Variants in CFTR observed in about 807,000 individuals in gnomAD.
CFTR encodes the protein cystic fibrosis transmembrane conductance regulator.
A neutral mutation model predicts 171.6 loss-of-function variants in CFTR; 181 were observed. The observed-to-expected ratio is 1.05, with a 90% CI of 0.93 to 1.19. The LOEUF (loss-of-function observed/expected upper bound fraction) is 1.19. CFTR is among the 50% of genes most tolerant of loss of function. CFTR has a pLI of 0.00. For synonymous variants in CFTR, 583 were observed against 608.0 expected (o/e 0.96, Z 0.60); for missense variants, 1,968 against 1,734.7 (o/e 1.13, Z -2.39).
intron 2 of CFTR, among the ~76,000 whole-genome samples, 153 bp downstream of exon 2, chr7:117,504,516 G>A (rs1383111621): frequency 1.3e-5 from 2 of 152,092 alleles, no homozygotes; most frequent in Non-Finnish European, 2.9e-5. Flanking sequence ...CTATTTGGGA[G>A]GCCAAGATGA....
intron 23 of CFTR, among the ~76,000 whole-genome samples, chr7:117,645,040 T>G (rs1164282050): frequency 6.6e-6 from 1 of 152,178 alleles, no homozygotes; most frequent in Non-Finnish European, 1.5e-5. Flanking sequence ...AGGAAATGAT[T>G]AGGCCTATTC....
At chr7:117,555,697 C>T (rs1200128045) in intron 10 of CFTR, among the ~76,000 whole-genome samples, 1 of 152,118 alleles carries the variant, frequency 6.6e-6, no homozygotes, top group Non-Finnish European at 1.5e-5. Flanking sequence ...GCTACAGTTG[C>T]CTGCAATTTC....
intron 1 of CFTR, among the ~76,000 whole-genome samples, chr7:117,501,182 C>A (rs1292564291): frequency 1.3e-5 from 2 of 152,072 alleles, no homozygotes; most frequent in Admixed American, 6.6e-5. Context: ...ATTGAAAATG[C>A]AGAATTTATT....
chr7:117,538,107 T>C (rs4148702), intron 7 of CFTR, among the ~76,000 whole-genome samples: 2 of 152,350 alleles, frequency 1.3e-5, no homozygotes, highest in East Asian at 3.9e-4. Context: ...TTGTAACCTG[T>C]ATAATCTGGC....
chr7:117,559,982 T>C lies in CFTR; in HGVS notation c.1584+327T>C, dbSNP rs569172619. Reference sequence around the variant, plus strand: ...ATTTATATGGCATGCATATAAGTGATATGTGGTATCTTTTTAAAAGATACC... The same window carrying C: ...ATTTATATGGCATGCATATAAGTGACATGTGGTATCTTTTTAAAAGATACC... On this transcript the variant is annotated intron_variant, in intron 11 of 26. Transcript: ENST00000003084. Among the ~76,000 whole-genome samples the C allele has an allele frequency of 2.6e-5, 4 of 152,262 alleles. No homozygotes were observed. In the East Asian group the frequency reaches 5.8e-4, roughly 22 times the overall value.
chr7:117,524,311 A>G (rs1798736405), intron 3 of CFTR, among the ~76,000 whole-genome samples: 1 of 152,020 alleles, frequency 6.6e-6, no homozygotes, highest in African/African-American at 2.4e-5. Context: ...GATACTTCTA[A>G]CATAGATAGC....
At chr7:117,492,688 T>C (rs1757261838) in intron 1 of CFTR, among the ~76,000 whole-genome samples, 1 of 152,026 alleles carries the variant, frequency 6.6e-6, no homozygotes, top group Admixed American at 6.6e-5. Context: ...TGTTTCTTCT[T>C]GTGGACCTTA....
chr7:117,558,783 C>G (rs1284487642), intron 10 of CFTR, among the ~76,000 whole-genome samples: 1 of 152,114 alleles, frequency 6.6e-6, no homozygotes, highest in Non-Finnish European at 1.5e-5. Context: ...CCTTTACACT[C>G]CACACTTATA....
intron 1 of CFTR, among the ~76,000 whole-genome samples, chr7:117,488,185 T>C (rs1375495561): frequency 6.6e-6 from 1 of 152,172 alleles, no homozygotes; most frequent in African/African-American, 2.4e-5. Context: ...CAAATAAGCA[T>C]GGCTGTGTTT....
chr7:117,551,552 T>A (rs1464996722), intron 10 of CFTR, among the ~76,000 whole-genome samples: 3 of 152,212 alleles, frequency 2.0e-5, no homozygotes, highest in Non-Finnish European at 4.4e-5. Context: ...AAAAGGATCA[T>A]GTCTTCTTTA....
At chr7:117,487,707 C>G (rs1798096337) in intron 1 of CFTR, 1 of 152,068 alleles carries the variant, frequency 6.6e-6, no homozygotes, top group African/African-American at 2.4e-5. Context: ...CAACTACCTC[C>G]TACCTGACTT....
In CFTR at chr7:117,596,414, G is replaced by A. The variant is rs192267004; in HGVS notation, c.2619+1356G>A. On this transcript the variant is annotated intron_variant, in intron 15 of 26. Transcript: ENST00000003084. ...ACCTGCCGCTGCAGTGGGCTCCTGC[G>A]TGGCCCAAGCCTCCTGACGAGCACC... 2.3e-4 allele frequency among the ~76,000 whole-genome samples: 35 copies of A among 152,324 alleles called. No homozygotes were observed. The East Asian group carries it at 3.7e-3, about 16-fold the overall frequency.
intron 11 of CFTR, among the ~76,000 whole-genome samples, chr7:117,576,787 T>C (rs1791776478): frequency 6.6e-6 from 1 of 152,112 alleles, no homozygotes; most frequent in Non-Finnish European, 1.5e-5. Flanking sequence ...GCCAGCTCTT[T>C]CATTAAGTTG....
chr7:117,567,450 T>C (rs554349335), intron 11 of CFTR, among the ~76,000 whole-genome samples: 27 of 152,322 alleles, frequency 1.8e-4, no homozygotes, highest in Non-Finnish European at 8.8e-5. Context: ...ACAAAACAGC[T>C]CTTGAAATGG....
At chr7:117,513,949 T>C (rs1353194067) in intron 3 of CFTR, among the ~76,000 whole-genome samples, 1 of 152,208 alleles carries the variant, frequency 6.6e-6, no homozygotes, top group Non-Finnish European at 1.5e-5. Flanking sequence ...GTTCCCATGA[T>C]GCAACTCTGC....
chr7:117,657,941 A>G (rs1025738427), intron 24 of CFTR, among the ~76,000 whole-genome samples: 3 of 152,210 alleles, frequency 2.0e-5, no homozygotes, highest in African/African-American at 7.2e-5. Context: ...TCATGAAGCC[A>G]TGACTTGTAC....
chr7:117,554,361 A>G (rs1212077962), intron 10 of CFTR, among the ~76,000 whole-genome samples: 1 of 152,150 alleles, frequency 6.6e-6, no homozygotes, highest in Non-Finnish European at 1.5e-5. Flanking sequence ...GTCACAGAGG[A>G]GTCAAAGATG....
At chr7:117,567,393 G>T (rs1042525802) in intron 11 of CFTR, among the ~76,000 whole-genome samples, 15 of 152,166 alleles carry the variant, frequency 9.9e-5, no homozygotes, top group African/African-American at 3.4e-4. Flanking sequence ...GACCTTTCAG[G>T]AAGGGAATGT....
At chr7:117,516,897 A>G (rs558743832) in intron 3 of CFTR, among the ~76,000 whole-genome samples, 1 of 152,258 alleles carries the variant, frequency 6.6e-6, no homozygotes, top group Admixed American at 6.5e-5. Flanking sequence ...AATTCTCTTC[A>G]TCTCAATTTC....
Sources: gnomAD v4.1 joint callset for allele counts (sites outside exome capture counted in the v4.1 genomes callset) on GRCh38, gnomAD v4.1.1 for gene constraint, MANE v1.5 for transcripts, NCBI Gene and HGNC (gene_info 2026-07-23, HGNC 2026-07-21) for gene names.